EPHA3: variants seen among roughly 807,000 people sequenced by gnomAD.
The protein encoded by EPHA3 is EPH receptor A3, also known as ephrin type-A receptor 3.
A neutral mutation model predicts 107.1 loss-of-function variants in EPHA3; 42 were observed. The observed-to-expected ratio is 0.39, with a 90% CI of 0.31 to 0.51. The LOEUF is 0.51. Ranked by LOEUF, EPHA3 falls within the 20% of genes least tolerant of loss-of-function variation. The pLI is 0.78. For synonymous variants in EPHA3, 461 were observed against 424.8 expected (o/e 1.09, Z -1.05); for missense variants, 1,183 against 1,211.2 (o/e 0.98, Z 0.35).
intron 3 of EPHA3, among the ~76,000 whole-genome samples, chr3:89,262,360 T>C (rs1705436391): frequency 6.6e-6 from 1 of 152,186 alleles, no homozygotes; most frequent in Non-Finnish European, 1.5e-5. Flanking sequence ...CCATACTCCC[T>C]CTGAGGATTC....
At chr3:89,444,675 C>A (rs990491831) in intron 13 of EPHA3, among the ~76,000 whole-genome samples, 4 of 151,936 alleles carry the variant, frequency 2.6e-5, no homozygotes, top group African/African-American at 9.7e-5. Flanking sequence ...TATTAAGGAG[C>A]AGACACTTTT....
At chr3:89,377,753 C>T (rs1316048258) in intron 5 of EPHA3, among the ~76,000 whole-genome samples, 2 of 151,966 alleles carry the variant, frequency 1.3e-5, no homozygotes, top group African/African-American at 4.8e-5. Flanking sequence ...TGATTCTTGG[C>T]TTATTGTTTT....
At chr3:89,186,591 T>A (rs1705573726) in intron 2 of EPHA3, among the ~76,000 whole-genome samples, 7 of 152,112 alleles carry the variant, frequency 4.6e-5, no homozygotes, top group Admixed American at 6.6e-5. Flanking sequence ...CCAATTACAT[T>A]TATTAGCCCT....
intron 2 of EPHA3, among the ~76,000 whole-genome samples, chr3:89,194,809 T>G (rs1705798611): frequency 6.6e-6 from 1 of 152,130 alleles, no homozygotes; most frequent in Admixed American, 6.6e-5. Context: ...CTGACATTGT[T>G]TTTCCCTTGT....
chr3:89,110,446 G>T (rs905228259), intron 1 of EPHA3, among the ~76,000 whole-genome samples: 4 of 151,818 alleles, frequency 2.6e-5, no homozygotes, highest in African/African-American at 9.7e-5. Context: ...TGTTTAATCT[G>T]AATTTTCCTT....
At chr3:89,211,026 A>G (rs1490017914) in intron 3 of EPHA3, among the ~76,000 whole-genome samples, 2 of 152,096 alleles carry the variant, frequency 1.3e-5, no homozygotes, top group African/African-American at 2.4e-5. Context: ...CTTACAAGAG[A>G]TTAGTGCTTT....
At chr3:89,132,836 G>A (rs556903736) in intron 2 of EPHA3, among the ~76,000 whole-genome samples, 1 of 152,218 alleles carries the variant, frequency 6.6e-6, no homozygotes, top group Non-Finnish European at 1.5e-5. Flanking sequence ...GCTGCAGTGG[G>A]GTACGACTGA....
At chr3:89,310,284 T>A (rs1024113393) in intron 3 of EPHA3, among the ~76,000 whole-genome samples, 1 of 152,026 alleles carries the variant, frequency 6.6e-6, no homozygotes. Context: ...AGATACAATA[T>A]AATAGCTTTA....
chr3:89,450,090 T>C, intron 14 of EPHA3, 87 bp from the exon 15 acceptor site: 3 of 1,115,190 alleles, frequency 2.7e-6, no homozygotes, highest in Non-Finnish European at 3.7e-6. Context: ...AAAATAAGCA[T>C]ATTTGTGAGC....
intron 5 of EPHA3, among the ~76,000 whole-genome samples, chr3:89,355,229 A>G (rs955368057): frequency 1.3e-5 from 2 of 151,282 alleles, no homozygotes; most frequent in African/African-American, 4.8e-5. Context: ...CAAAGAGGTA[A>G]ATATTCATCT....
chr3:89,446,697 T>TC (rs910195466), intron 13 of EPHA3, among the ~76,000 whole-genome samples: 3 of 152,060 alleles, frequency 2.0e-5, no homozygotes, highest in African/African-American at 7.2e-5. Context: ...CTTTTTTTTT[T>TC]CTTTTTTCTT....
chr3:89,218,394 T>C (rs1316841020), intron 3 of EPHA3, among the ~76,000 whole-genome samples: 1 of 151,144 alleles, frequency 6.6e-6, no homozygotes, highest in Non-Finnish European at 1.5e-5. Context: ...TGTTTGGTTT[T>C]CTTGTCCTTG....
chr3:89,378,450 G>A lies in EPHA3; in HGVS notation c.1307-17387G>A, dbSNP rs532331737. ...ATCATTGCATTTTTAACTATTTTTCGTGTCAATTCTAACTTAAGAATCATT... is the reference window on the plus strand; with the variant it reads ...ATCATTGCATTTTTAACTATTTTTCATGTCAATTCTAACTTAAGAATCATT... On this transcript the variant is annotated intron_variant, in intron 5 of 16. Transcript: ENST00000336596. Among the ~76,000 whole-genome samples, 14 of 151,812 alleles carry A rather than the reference G, an allele frequency of 9.2e-5. No individual in the cohort carries two copies. In the South Asian group the frequency reaches 1.2e-3, roughly 14 times the overall value.
intron 13 of EPHA3, among the ~76,000 whole-genome samples, chr3:89,445,741 A>G (rs992883914): frequency 5.3e-5 from 8 of 152,260 alleles, no homozygotes; most frequent in African/African-American, 1.9e-4. Context: ...CCTGAATGAC[A>G]CAAGTGAAAA....
intron 3 of EPHA3, among the ~76,000 whole-genome samples, chr3:89,329,301 C>T (rs760597428): frequency 2.0e-5 from 3 of 152,088 alleles, no homozygotes; most frequent in Non-Finnish European, 4.4e-5. Flanking sequence ...CCTCTCCACA[C>T]TTCTAGGGTA....
chr3:89,344,782 T>C (rs1707604922), intron 5 of EPHA3, among the ~76,000 whole-genome samples: 1 of 152,178 alleles, frequency 6.6e-6, no homozygotes, highest in Admixed American at 6.5e-5. Context: ...AGTTTGTTGA[T>C]TCTTCTCTTG....
chr3:89,173,327 G>A (rs1705249759), intron 2 of EPHA3, among the ~76,000 whole-genome samples: 1 of 151,868 alleles, frequency 6.6e-6, no homozygotes, highest in Admixed American at 6.6e-5. Context: ...TAAAATCCAA[G>A]GCCAAAAATG....
intron 3 of EPHA3, among the ~76,000 whole-genome samples, chr3:89,330,547 G>A (rs1707262431): frequency 6.6e-6 from 1 of 151,972 alleles, no homozygotes. Context: ...TGAAAGCTGA[G>A]TTAATTCCTC....
At chr3:89,118,611 G>T (rs1707309164) in intron 1 of EPHA3, among the ~76,000 whole-genome samples, 1 of 151,584 alleles carries the variant, frequency 6.6e-6, no homozygotes, top group Admixed American at 6.6e-5. Context: ...AATGACAAAG[G>T]CACAACTTTA....
Sources: allele counts gnomAD v4.1 joint callset (sites outside exome capture counted in the v4.1 genomes callset), GRCh38; gene constraint gnomAD v4.1.1; transcripts MANE v1.5; gene names NCBI Gene and HGNC (gene_info 2026-07-23, HGNC 2026-07-21).